The following PSKH1 variants were observed in gnomAD, a reference collection of about 807,000 sequenced individuals.
PSKH1 encodes serine/threonine-protein kinase H1.
A neutral mutation model predicts 26.7 loss-of-function variants in PSKH1; 12 were observed. That is an observed-to-expected ratio of 0.45 (90% CI 0.29 to 0.73). The LOEUF (loss-of-function observed/expected upper bound fraction) is 0.73, where lower values mean the gene tolerates loss of function less well. Among genes scored for constraint, PSKH1 ranks in the 30% least tolerant of loss-of-function variants. The pLI is 0.11. For synonymous variants in PSKH1, 213 were observed against 234.3 expected (o/e 0.91, Z 0.83); for missense variants, 431 against 595.2 (o/e 0.72, Z 2.87).
intron 2 of PSKH1, among the ~76,000 whole-genome samples, chr16:67,910,931 T>C (rs1184185707): frequency 3.9e-5 from 6 of 152,218 alleles, no homozygotes; most frequent in Non-Finnish European, 7.3e-5. Flanking sequence ...TTTGGATCCA[T>C]TGATAGTCCT....
chr16:67,902,272 AGAAAT>A lies in PSKH1; in HGVS notation c.-70-6407_-70-6403del, dbSNP rs1301293901. Among the ~76,000 whole-genome samples the A allele has an allele frequency of 1.7e-3, 251 of 150,590 alleles. 2 individuals carry two copies. The highest frequency in any genetic ancestry group is 5.5e-3 in the African/African-American group (222 of 40,176). ...GAGACTCCATCTCAAAAAAAAAAAA[AGAAAT>A]AAAAATGAATCGAAAAGTTAGACCT... On this transcript the variant is annotated intron_variant, in intron 1 of 2. Coordinates refer to ENST00000291041, the MANE Select transcript of PSKH1 (RefSeq NM_006742.3).
rs1377823758 is a variant in PSKH1, at chr16:67,908,824, G to A, written c.75G>A (p.Glu25=). 6.2e-7 allele frequency: 1 copy of A among 1,613,694 alleles called. No individual in the cohort carries two copies. Among genetic ancestry groups the A allele is most frequent in the African/African-American group, 1.3e-5 (1 of 74,920 alleles). Residue 25 remains glutamate, a synonymous_variant, in exon 2 of 3, where the codon GAG becomes GAA. Coordinates refer to ENST00000291041, the MANE Select transcript of PSKH1 (RefSeq NM_006742.3). ...DVQLDLVKKV[E]PFSGTKSDVY... ...AGCTGGATCTGGTCAAGAAGGTGGA[G>A]CCCTTCAGTGGCACTAAGAGTGACG...
At chr16:67,911,582 T>C (rs899310231) in intron 2 of PSKH1, among the ~76,000 whole-genome samples, 1 of 152,168 alleles carries the variant, frequency 6.6e-6, no homozygotes, top group African/African-American at 2.4e-5. Context: ...CTCGGGAGGC[T>C]GAGGCAAGAG....
intron 2 of PSKH1, among the ~76,000 whole-genome samples, chr16:67,913,430 G>C (rs567171734): frequency 1.3e-5 from 2 of 152,126 alleles, no homozygotes; most frequent in African/African-American, 4.8e-5. Flanking sequence ...TTACAGATGT[G>C]AGCCACCACA....
intron 1 of PSKH1, among the ~76,000 whole-genome samples, chr16:67,897,047 T>C (rs2058128528): frequency 6.6e-6 from 1 of 152,226 alleles, no homozygotes; most frequent in African/African-American, 2.4e-5. Context: ...TTAGGTCCTC[T>C]TCACAGCTTC....
chr16:67,914,033 C>T (rs530167925), intron 2 of PSKH1, among the ~76,000 whole-genome samples: 3 of 152,296 alleles, frequency 2.0e-5, no homozygotes, highest in Non-Finnish European at 4.4e-5. Context: ...GGGGCAATGG[C>T]CTGAGGGACA....
At chr16:67,904,719 C>A (rs1359108203) in intron 1 of PSKH1, among the ~76,000 whole-genome samples, 5 of 152,054 alleles carry the variant, frequency 3.3e-5, no homozygotes, top group African/African-American at 1.2e-4. Flanking sequence ...TGCACTCAAG[C>A]TATCCCCCCA....
At chr16:67,918,465 C>T (rs2058193587) in intron 2 of PSKH1, among the ~76,000 whole-genome samples, 1 of 152,030 alleles carries the variant, frequency 6.6e-6, no homozygotes, top group Non-Finnish European at 1.5e-5. Flanking sequence ...CACTCTGCTG[C>T]TACCTGGGTG....
At chr16:67,919,060 TGTC>T in intron 2 of PSKH1, among the ~76,000 whole-genome samples, 1 of 152,316 alleles carries the variant, frequency 6.6e-6, no homozygotes, top group South Asian at 2.1e-4. Flanking sequence ...TCCCCGCATA[TGTC>T]ACAAGGAGCA....
At chr16:67,917,058 G>A (rs1252291813) in intron 2 of PSKH1, among the ~76,000 whole-genome samples, 1 of 152,230 alleles carries the variant, frequency 6.6e-6, no homozygotes, top group Non-Finnish European at 1.5e-5. Flanking sequence ...GGTCTTAGTT[G>A]TTTCCTTTAG....
intron 2 of PSKH1, among the ~76,000 whole-genome samples, chr16:67,922,698 C>T (rs1328594361): frequency 5.3e-5 from 8 of 152,174 alleles, no homozygotes; most frequent in East Asian, 1.9e-4. Context: ...AAAGTGAAGG[C>T]GGTGTGATTT....
intron 1 of PSKH1, among the ~76,000 whole-genome samples, chr16:67,907,233 G>C (rs968378288): frequency 2.6e-5 from 4 of 151,572 alleles, no homozygotes; most frequent in African/African-American, 9.7e-5. Context: ...AAAGTGCTGA[G>C]GTTACAGACC....
At chr16:67,899,372 A>G (rs986363302) in intron 1 of PSKH1, among the ~76,000 whole-genome samples, 21 of 125,176 alleles carry the variant, frequency 1.7e-4, no homozygotes, top group African/African-American at 6.0e-4. Flanking sequence ...GTCTCGCTCT[A>G]TGGCCCAGGC....
Position 67,927,731 on chromosome 16 carries a change from C to G in PSKH1, c.*89C>G. ...GTCCGATGCCCTCTCTGGAGATAGGCCTATGTGGCCCACAGTAGGTGAAGA... is the reference window on the plus strand; with the variant it reads ...GTCCGATGCCCTCTCTGGAGATAGGGCTATGTGGCCCACAGTAGGTGAAGA... On this transcript the variant is annotated 3_prime_UTR_variant, in exon 3 of 3. Transcript: ENST00000291041. This position sits in a 1 kb window ranked among gnomAD's most constrained non-coding sequence, Gnocchi z 5.5. 7.3e-7 allele frequency: 1 copy of G among 1,378,504 alleles called. No homozygotes were observed. The highest frequency in any genetic ancestry group is 9.7e-7 in the Non-Finnish European group (1 of 1,026,250). The allele number at this position is 1,378,504 out of a possible 1,614,324, so 85.4% of individuals were successfully genotyped here. A position where few individuals can be genotyped will look rare whatever the true frequency, so the allele number is the denominator to read the frequency against.
chr16:67,906,788 T>G (rs1390289253), intron 1 of PSKH1, among the ~76,000 whole-genome samples: 1 of 152,158 alleles, frequency 6.6e-6, no homozygotes, highest in Non-Finnish European at 1.5e-5. Context: ...GCACTGCACC[T>G]TGTCCAGGGC....
intron 2 of PSKH1, among the ~76,000 whole-genome samples, chr16:67,914,304 C>G (rs550159685): frequency 2.6e-5 from 4 of 152,116 alleles, no homozygotes; most frequent in Admixed American, 6.5e-5. Context: ...CATGCGCCAC[C>G]ATGCCCAGAT....
chr16:67,905,814 G>A (rs771037631), intron 1 of PSKH1, among the ~76,000 whole-genome samples: 7 of 152,096 alleles, frequency 4.6e-5, no homozygotes, highest in Non-Finnish European at 8.8e-5. Context: ...AGCTGAGGTC[G>A]TGCCAGTGCA....
chr16:67,906,198 A>G (rs533163391), intron 1 of PSKH1, among the ~76,000 whole-genome samples: 1 of 151,354 alleles, frequency 6.6e-6, no homozygotes, highest in Non-Finnish European at 1.5e-5. Context: ...TCAGCCTCCC[A>G]AGTAGCTGGG....
intron 2 of PSKH1, among the ~76,000 whole-genome samples, chr16:67,926,763 C>T (rs1448012680): frequency 6.6e-6 from 1 of 151,816 alleles, no homozygotes; most frequent in Admixed American, 6.6e-5. Context: ...GATCGCCTGC[C>T]CTCAGCCGAC....
Sources: gnomAD v4.1 joint callset for allele counts (sites outside exome capture counted in the v4.1 genomes callset) on GRCh38, gnomAD v4.1.1 for gene constraint, Gnocchi (gnomAD v3.1) non-coding constraint, MANE v1.5 for transcripts, NCBI Gene and HGNC (gene_info 2026-07-23, HGNC 2026-07-21) for gene names.